The following NAALADL2 variants were observed in gnomAD, a reference collection of about 807,000 sequenced individuals.
The protein encoded by NAALADL2 is N-acetylated alpha-linked acidic dipeptidase like 2.
NAALADL2 carries 76 observed loss-of-function variants against 87.2 expected under a neutral mutation model. The observed-to-expected ratio is 0.87, with a 90% CI of 0.72 to 1.05. The LOEUF is 1.05. NAALADL2 is among the 50% of genes least tolerant of loss of function. NAALADL2 has a pLI of 0.00. For missense variants in NAALADL2, 1,089 were observed against 945.8 expected (o/e 1.15, Z -1.99); for synonymous variants, 354 against 331.0 (o/e 1.07, Z -0.75).
intron 11 of NAALADL2, among the ~76,000 whole-genome samples, chr3:175,632,718 C>T (rs114293397): frequency 5.1e-4 from 77 of 152,012 alleles, no homozygotes; most frequent in African/African-American, 1.7e-3. Context: ...TTGGAGAAAG[C>T]GATGATGACT....
chr3:174,743,483 T>G (rs1733952444), intron 3 of NAALADL2, among the ~76,000 whole-genome samples: 2 of 151,810 alleles, frequency 1.3e-5, no homozygotes, highest in Admixed American at 6.6e-5. Flanking sequence ...GGCTATACTT[T>G]TCTGGTAACA....
At chr3:174,455,052 C>T (rs1715742238) in intron 1 of NAALADL2, among the ~76,000 whole-genome samples, 2 of 150,836 alleles carry the variant, frequency 1.3e-5, no homozygotes, top group African/African-American at 4.9e-5. Flanking sequence ...GGGGATATTA[C>T]TGCTGACCCC....
intron 2 of NAALADL2, among the ~76,000 whole-genome samples, chr3:174,606,048 C>A (rs374010529): frequency 6.6e-6 from 1 of 152,260 alleles, no homozygotes; most frequent in East Asian, 1.9e-4. Context: ...CTGCTGATAC[C>A]CAGGCAAACA....
At chr3:174,648,340 A>G (rs1157563741) in intron 2 of NAALADL2, among the ~76,000 whole-genome samples, 1 of 86,350 alleles carries the variant, frequency 1.2e-5, no homozygotes, top group African/African-American at 4.3e-5. Context: ...CACCAAAAAG[A>G]AAAAAAAAAA....
At chr3:175,035,915 C>A (rs538883594) in intron 1 of NAALADL2, among the ~76,000 whole-genome samples, 1 of 152,128 alleles carries the variant, frequency 6.6e-6, no homozygotes, top group African/African-American at 2.4e-5. Context: ...ACTGCCTGTT[C>A]TCTTCTGGCA....
chr3:175,374,987 A>AT (rs1201191002), intron 5 of NAALADL2, among the ~76,000 whole-genome samples: 7 of 152,092 alleles, frequency 4.6e-5, no homozygotes, highest in African/African-American at 1.7e-4. Context: ...TTGAAAATAC[A>AT]TTTTTTCCCA....
chr3:174,649,037 T>G (rs1252408592), intron 2 of NAALADL2, among the ~76,000 whole-genome samples: 1 of 152,138 alleles, frequency 6.6e-6, no homozygotes, highest in Non-Finnish European at 1.5e-5. Context: ...CTTGGCTCAC[T>G]GCAACCTCTG....
At chr3:174,650,746 T>G (rs887175891) in intron 2 of NAALADL2, among the ~76,000 whole-genome samples, 5 of 152,026 alleles carry the variant, frequency 3.3e-5, no homozygotes, top group African/African-American at 9.7e-5. Context: ...TGAAGAGACA[T>G]ATTAGGATGT....
At chr3:175,194,305 C>A (rs1022829786) in intron 2 of NAALADL2, among the ~76,000 whole-genome samples, 7 of 151,744 alleles carry the variant, frequency 4.6e-5, no homozygotes, top group Non-Finnish European at 8.9e-5. Flanking sequence ...CTTTTTCCTG[C>A]AAGTATTTGA....
At chr3:174,939,030 AT>A (rs1193416690) in intron 1 of NAALADL2, among the ~76,000 whole-genome samples, 1 of 151,980 alleles carries the variant, frequency 6.6e-6, no homozygotes, top group African/African-American at 2.4e-5. Context: ...CTTCTCGTCA[AT>A]TTTTGCTTTT....
chr3:174,851,362 T>TAAAAAAAAAAAAAAAAAAAAAAAAAAAA (rs34003047), intron 3 of NAALADL2, among the ~76,000 whole-genome samples: 1 of 107,844 alleles, frequency 9.3e-6, no homozygotes, highest in Non-Finnish European at 1.9e-5. Context: ...TCAGCCAGAC[T>TAAAAAAAAAAAAAAAAAAAAAAAAAAAA]AAAAAAAAAA....
chr3:175,534,398 T>C (rs568011508), intron 9 of NAALADL2, among the ~76,000 whole-genome samples: 1 of 152,342 alleles, frequency 6.6e-6, no homozygotes, highest in South Asian at 2.1e-4. Flanking sequence ...TGGAGTCTGA[T>C]GTTCAAAGGC....
intron 1 of NAALADL2, among the ~76,000 whole-genome samples, chr3:175,069,905 C>T (rs376762571): frequency 0.1 from 14,992 of 146,314 alleles, 813 homozygotes; most frequent in East Asian, 0.2. Flanking sequence ...AGTAAACTAT[C>T]GCAAGAACAA....
intron 2 of NAALADL2, among the ~76,000 whole-genome samples, chr3:175,209,612 A>T (rs1741462407): frequency 6.6e-6 from 1 of 152,048 alleles, no homozygotes; most frequent in Non-Finnish European, 1.5e-5. Context: ...CACATGATCA[A>T]CAAAAGATTA....
chr3:175,739,360 A>C (rs971710899), intron 12 of NAALADL2, among the ~76,000 whole-genome samples: 1 of 152,194 alleles, frequency 6.6e-6, no homozygotes. Flanking sequence ...ACATTGGCAC[A>C]TTTCAATTGT....
chr3:174,796,024 AG>A (rs1222033609), intron 3 of NAALADL2, among the ~76,000 whole-genome samples: 3 of 152,218 alleles, frequency 2.0e-5, no homozygotes, highest in Non-Finnish European at 4.4e-5. Flanking sequence ...AGATGGAGAC[AG>A]GGCCTTTAAA....
chr3:174,504,951 G>A (rs995322221), intron 1 of NAALADL2, among the ~76,000 whole-genome samples: 1 of 152,032 alleles, frequency 6.6e-6, no homozygotes, highest in Non-Finnish European at 1.5e-5. Context: ...GATGTCAAAA[G>A]GATAATCAGC....
intron 5 of NAALADL2, among the ~76,000 whole-genome samples, chr3:175,375,317 C>T (rs911711049): frequency 2.2e-4 from 33 of 152,094 alleles, no homozygotes; most frequent in African/African-American, 8.0e-4. Context: ...ATATCTATAA[C>T]ATAGCCCATT....
chr3:175,736,324 A>T (rs1325790600), intron 11 of NAALADL2, among the ~76,000 whole-genome samples: 1 of 152,252 alleles, frequency 6.6e-6, no homozygotes. Flanking sequence ...GATCTCACAG[A>T]TGTATTAATA....
Sources: allele counts gnomAD v4.1 joint callset (sites outside exome capture counted in the v4.1 genomes callset), GRCh38; gene constraint gnomAD v4.1.1; transcripts MANE v1.5; gene names NCBI Gene and HGNC (gene_info 2026-07-23, HGNC 2026-07-21).